The following MUCL1 variants were observed in gnomAD, a reference collection of about 807,000 sequenced individuals.
The protein encoded by MUCL1 is mucin like 1.
In MUCL1, 11 loss-of-function variants were observed where a neutral mutation model predicts 9.2. The observed-to-expected ratio is 1.19, with a 90% CI of 0.75 to 1.97. The LOEUF is 1.97. Ranked by LOEUF, MUCL1 falls within the 30% of genes most tolerant of loss-of-function variation. MUCL1 has a pLI of 0.00. For synonymous variants in MUCL1, 48 were observed against 40.5 expected (o/e 1.19, Z -0.71); for missense variants, 144 against 110.9 (o/e 1.30, Z -1.34).
At position 54,854,519 on chromosome 12, in the gene MUCL1, G is replaced by A. The variant is rs748161683; in HGVS notation, c.-64G>A. The A allele has an allele frequency of 8.8e-5, 118 of 1,336,648 alleles. No individual in the cohort carries two copies. Among genetic ancestry groups the A allele is most frequent in the African/African-American group, 1.0e-4 (7 of 68,640 alleles). 82.8% of individuals were successfully genotyped at this position (1,336,648 alleles called of 1,614,324 possible). A position where few individuals can be genotyped will look rare whatever the true frequency, so the allele number is the denominator to read the frequency against. ...CAGGATGTGGAATCCTGAAGTCAGC[G>A]CCTTGCCTTCTCTTAGGCTTTGAAG... On this transcript the variant is annotated 5_prime_UTR_variant, in exon 1 of 4. Transcript: ENST00000308796.
intron 1 of MUCL1, among the ~76,000 whole-genome samples, chr12:54,846,175 A>G (rs1460546638): frequency 6.6e-6 from 1 of 152,200 alleles, no homozygotes; most frequent in Non-Finnish European, 1.5e-5. Flanking sequence ...CGGAGGGTCC[A>G]TTGAGCTGGT....
chr12:54,842,766 T>G (rs1959218797), intron 1 of MUCL1, among the ~76,000 whole-genome samples: 1 of 152,216 alleles, frequency 6.6e-6, no homozygotes, highest in Admixed American at 6.5e-5. Context: ...TTTCATAATT[T>G]CTTTCTATTC....
intron 1 of MUCL1, among the ~76,000 whole-genome samples, chr12:54,844,273 T>C (rs1959230902): frequency 6.6e-6 from 1 of 152,196 alleles, no homozygotes; most frequent in Non-Finnish European, 1.5e-5. Flanking sequence ...TAATGTATTA[T>C]GAATTTAATT....
At chr12:54,852,210 G>A (rs906049052), upstream of MUCL1, among the ~76,000 whole-genome samples, 5 of 152,120 alleles carry the variant, frequency 3.3e-5, no homozygotes, top group Non-Finnish European at 7.4e-5. Context: ...TCAATCCTAA[G>A]CCAAAAGAAC....
At chr12:54,842,675 G>C (rs1279112990) in intron 1 of MUCL1, among the ~76,000 whole-genome samples, 1 of 152,010 alleles carries the variant, frequency 6.6e-6, no homozygotes, top group Non-Finnish European at 1.5e-5. Context: ...TCTTATAGTT[G>C]ATTTTAAATT....
exon 1 of MUCL1, chr12:54,830,761 T>A (rs1166720384): frequency 6.6e-6 from 1 of 152,076 alleles, no homozygotes; most frequent in South Asian, 2.1e-4. Flanking sequence ...TTGGCCTCCA[T>A]TGGGGGCTCT....
chr12:54,849,031 A>C (rs1307419866), intron 1 of MUCL1, among the ~76,000 whole-genome samples: 1 of 152,140 alleles, frequency 6.6e-6, no homozygotes, highest in Non-Finnish European at 1.5e-5. Flanking sequence ...TGCTAGAGTA[A>C]ATTATGATAT....
chr12:54,831,191 T>C (rs1959184942), intron 1 of MUCL1, among the ~76,000 whole-genome samples: 1 of 152,210 alleles, frequency 6.6e-6, no homozygotes, highest in Non-Finnish European at 1.5e-5. Context: ...GTTATGTTTA[T>C]GTGATATTTT....
chr12:54,854,614 G>T lies in MUCL1; in HGVS notation c.32G>T (p.Gly11Val), dbSNP rs759070330. Residue 11 changes from glycine (G) to valine (V), a missense_variant, in exon 1 of 4, where the codon GGA becomes GTA. Transcript: ENST00000308796. ...TTCTTAGCAGTCCTGGTACTCTTGG[G>T]AGTTTCCATCTTTCTGGTCTCTGCC... MKFLAVLVLL[G>V]VSIFLVSAQN... is the part of the protein sequence containing the mutation. 1 of 1,613,350 alleles carries T rather than the reference G, an allele frequency of 6.2e-7. No homozygotes were observed. The highest frequency in any genetic ancestry group is 8.5e-7 in the Non-Finnish European group (1 of 1,179,638).
upstream of MUCL1, among the ~76,000 whole-genome samples, chr12:54,852,021 G>A (rs1300750229): frequency 1.3e-5 from 2 of 152,096 alleles, no homozygotes; most frequent in Admixed American, 1.3e-4. Context: ...ACAAACAAAT[G>A]GAAGAACATT....
intron 1 of MUCL1, among the ~76,000 whole-genome samples, chr12:54,832,440 T>C (rs561543818): frequency 6.6e-6 from 1 of 152,136 alleles, no homozygotes; most frequent in Admixed American, 6.5e-5. Context: ...GTCTTTATCA[T>C]GTCTTTGATT....
chr12:54,843,341 A>G (rs1174569776), intron 1 of MUCL1, among the ~76,000 whole-genome samples: 1 of 152,180 alleles, frequency 6.6e-6, no homozygotes, highest in Non-Finnish European at 1.5e-5. Context: ...AATTTTATCA[A>G]ATGTTTTTCT....
chr12:54,842,112 G>A (rs1379305455), intron 1 of MUCL1, among the ~76,000 whole-genome samples: 2 of 152,158 alleles, frequency 1.3e-5, no homozygotes, highest in African/African-American at 4.8e-5. Flanking sequence ...TTACTTTGGA[G>A]AGAACAACAT....
chr12:54,856,851 C>A lies in MUCL1; in HGVS notation c.182C>A (p.Ala61Glu), dbSNP rs745786226. ...GCAACCACTGCTGCTCCTACCACTG[C>A]AACCACCGCTGCTTCTACCACTGCT... Reference protein sequence around the residue: ...TTATTAAPTTATTAASTTARK... With the variant: ...TTATTAAPTTETTAASTTARK... Residue 61 changes from alanine to glutamate, a missense_variant, in exon 3 of 4, where the codon GCA (alanine) becomes GAA (glutamate). Coordinates refer to ENST00000308796, the MANE Select transcript of MUCL1 (RefSeq NM_058173.3). 12 of 1,612,696 alleles carry A rather than the reference C, an allele frequency of 7.4e-6. 1 individual carries two copies. In the South Asian group the frequency reaches 1.2e-4, roughly 16 times the overall value.
At chr12:54,842,626 C>A (rs1959218101) in intron 1 of MUCL1, among the ~76,000 whole-genome samples, 1 of 152,026 alleles carries the variant, frequency 6.6e-6, no homozygotes. Context: ...TGAACTTATT[C>A]TTCCTGTCTA....
At chr12:54,844,099 G>A (rs1239773748) in intron 1 of MUCL1, among the ~76,000 whole-genome samples, 1 of 152,018 alleles carries the variant, frequency 6.6e-6, no homozygotes, top group Non-Finnish European at 1.5e-5. Flanking sequence ...TGAGGCTTTG[G>A]CATCAAGGAT....
chr12:54,857,019 T>C, intron 3 of MUCL1, 127 bp downstream of exon 3: 1 of 1,383,450 alleles, frequency 7.2e-7, no homozygotes, highest in Non-Finnish European at 9.7e-7. Flanking sequence ...CTCTAAATCC[T>C]TGTAGTTTCT....
chr12:54,846,228 T>G (rs1354938680), intron 1 of MUCL1, among the ~76,000 whole-genome samples: 1 of 152,156 alleles, frequency 6.6e-6, no homozygotes, highest in Admixed American at 6.5e-5. Flanking sequence ...AAAAGCACAC[T>G]GTAACACACA....
intron 1 of MUCL1, among the ~76,000 whole-genome samples, chr12:54,841,150 A>T (rs572299386): frequency 1.3e-5 from 2 of 152,210 alleles, no homozygotes; most frequent in Non-Finnish European, 2.9e-5. Flanking sequence ...CCATGTTGCC[A>T]TAAAATGGAA....
Sources: gnomAD v4.1 joint callset for allele counts (sites outside exome capture counted in the v4.1 genomes callset) on GRCh38, gnomAD v4.1.1 for gene constraint, MANE v1.5 for transcripts, NCBI Gene and HGNC (gene_info 2026-07-23, HGNC 2026-07-21) for gene names.